Variants in SLC25A41 observed in about 807,000 individuals in gnomAD.
SLC25A41 encodes mitochondrial carrier protein SCaMC-3L.
SLC25A41 carries 35 observed loss-of-function variants against 34.7 expected under a neutral mutation model. The observed-to-expected ratio is 1.01, with a 90% CI of 0.77 to 1.34. SLC25A41 has a LOEUF of 1.34. Ranked by LOEUF, SLC25A41 falls within the 40% of genes most tolerant of loss-of-function variation. SLC25A41 has a pLI of 0.00. For synonymous variants in SLC25A41, 190 were observed against 209.9 expected (o/e 0.91, Z 0.82); for missense variants, 492 against 489.8 (o/e 1.00, Z -0.04).
upstream of SLC25A41, chr19:6,433,900 A>G (rs1322840760): frequency 2.1e-6 from 1 of 471,404 alleles, no homozygotes; most frequent in Non-Finnish European, 3.7e-6. Context: ...AAACCAATAA[A>G]TATGTTATCG....
chr19:6,426,392 T>A lies in SLC25A41; in HGVS notation c.1110A>T (p.Ile370=). Residue 370 remains isoleucine, a synonymous_variant, in exon 7 of 7, where the codon ATA becomes ATT. Coordinates refer to ENST00000321510, the MANE Select transcript of SLC25A41 (RefSeq NM_173637.4). The part of the protein sequence containing the change: ...VYEAMKKTLG[I] ...GCTGTGTCGTCCAGCTCACAGCCTA[T>A]ATGCCCAGGGTTTTCTTCATGGCTT... 6.2e-7 allele frequency: 1 copy of A among 1,613,224 alleles called. No homozygotes were observed. Among genetic ancestry groups the A allele is most frequent in the South Asian group, 1.1e-5 (1 of 91,072 alleles).
At chr19:6,436,219 C>T (rs572545439), upstream of SLC25A41, 11 of 282,176 alleles carry the variant, frequency 3.9e-5, no homozygotes, top group Admixed American at 4.0e-4. Context: ...GCCGCTGAGC[C>T]GGCTGTTCCC....
rs1423496480 is a variant in SLC25A41 at position 6,427,577 on chromosome 19, C to G, written c.625-76G>C. The G allele has an allele frequency of 1.5e-5, 21 of 1,395,922 alleles. No homozygotes were observed. The highest frequency in any genetic ancestry group is 1.7e-5 in the Non-Finnish European group (18 of 1,064,914). The allele number at this position is 1,395,922 out of a possible 1,614,324, so 86.5% of individuals were successfully genotyped here. The stretch of plus-strand genomic sequence containing the variant: ...ACCCTCGGGGTAGCCATTGTCCCCA[C>G]CCTACAAACAAGGAAAATGAGGCTC... On this transcript the variant is annotated intron_variant, in intron 4 of 6. Transcript: ENST00000321510. The surrounding 1 kb of genome is among the most constrained non-coding windows in gnomAD (Gnocchi z 4.9).
intron 4 of SLC25A41, among the ~76,000 whole-genome samples, chr19:6,428,444 C>A (rs541297338): frequency 6.8e-6 from 1 of 146,546 alleles, no homozygotes; most frequent in African/African-American, 2.5e-5. Context: ...GGAGGGTTTC[C>A]GGTCCACAGA....
chr19:6,428,326 A>G (rs942728152), intron 4 of SLC25A41, among the ~76,000 whole-genome samples: 8 of 151,354 alleles, frequency 5.3e-5, no homozygotes, highest in African/African-American at 1.9e-4. Context: ...TTGAACCCAG[A>G]AGGTGGAGGT....
chr19:6,432,375 C>G (rs1445890224), intron 1 of SLC25A41, among the ~76,000 whole-genome samples, 171 bp from the exon 2 acceptor site: 1 of 151,194 alleles, frequency 6.6e-6, no homozygotes, highest in African/African-American at 2.4e-5. Flanking sequence ...TGCAGTGGCA[C>G]AATCTCAGCT....
Position 6,427,202 on chromosome 19 carries a change from T to G in SLC25A41, c.841A>C (p.Ser281Arg). The change falls in exon 6 of 7, where the codon AGT (serine) becomes CGT (arginine). Residue 281 changes from serine to arginine, a missense_variant. Physicochemically the swap from Ser to Arg is moderately radical, Grantham distance 110 (BLOSUM62 -1). Coordinates refer to ENST00000321510, the MANE Select transcript of SLC25A41 (RefSeq NM_173637.4). This position sits in a 1 kb window ranked among gnomAD's most constrained non-coding sequence, Gnocchi z 4.9. ...ACAGACGACAGACTGACCAGGCCAC[T>G]GGGGTCCCCCATATCCCTGCCTGAC... is the stretch of plus-strand genomic sequence containing the variant. ...VKSGRDMGDPSGLVSLSSVTL... is the reference protein window; with the variant it reads ...VKSGRDMGDPRGLVSLSSVTL... 6.2e-7 allele frequency: 1 copy of G among 1,612,636 alleles called. No homozygotes were observed. The highest frequency in any genetic ancestry group is 8.5e-7 in the Non-Finnish European group (1 of 1,179,794).
Position 6,427,290 on chromosome 19 carries a change from C to G in SLC25A41, c.793-40G>C, listed in dbSNP as rs751063453. 6.2e-7 allele frequency: 1 copy of G among 1,608,046 alleles called. No individual in the cohort carries two copies. Among genetic ancestry groups the G allele is most frequent in the Non-Finnish European group, 8.5e-7 (1 of 1,176,524 alleles). ...GGCCAGGAGAAAGCTCACTAGGAGC[C>G]TGGGCTCCGGCCAGCCCTGCCACCC... On this transcript the variant is annotated intron_variant, in intron 5 of 6. Coordinates refer to ENST00000321510, the MANE Select transcript of SLC25A41 (RefSeq NM_173637.4). The surrounding 1 kb of genome is among the most constrained non-coding windows in gnomAD (Gnocchi z 4.9).
intron 6 of SLC25A41, 66 bp from the exon 7 acceptor site, chr19:6,426,627 G>T: frequency 6.4e-7 from 1 of 1,563,166 alleles, no homozygotes. Flanking sequence ...AGTCTGGAAT[G>T]TTGCGGACAG....
At position 6,428,555 on chromosome 19, in the gene SLC25A41, CAT is replaced by C. The variant is rs937038750; in HGVS notation, c.625-1056_625-1055del. ...ATATATTATATATAACATGCATAGACATATTTTTATATTACATAGTATATAAT... is the reference window on the plus strand; with the variant it reads ...ATATATTATATATAACATGCATAGACATTTTTATATTACATAGTATATAAT... On this transcript the variant is annotated intron_variant, in intron 4 of 6. Transcript: ENST00000321510. 1.5e-3 allele frequency among the ~76,000 whole-genome samples: 226 copies of C among 146,538 alleles called. 1 individual carries two copies. The highest frequency in any genetic ancestry group is 4.7e-3 in the African/African-American group (188 of 40,258).
rs1246590104 is a variant in SLC25A41, at chr19:6,429,729, T to C, written c.619A>G (p.Met207Val). 1.9e-6 allele frequency: 3 copies of C among 1,585,234 alleles called. No individual in the cohort carries two copies. The highest frequency in any genetic ancestry group is 1.1e-5 in the South Asian group (1 of 88,038). Residue 207 changes from methionine (M) to valine (V), a missense_variant, in exon 4 of 7, where the codon ATG becomes GTG. By Grantham distance (21) the Met-to-Val change is conservative. Coordinates refer to ENST00000321510, the MANE Select transcript of SLC25A41 (RefSeq NM_173637.4). ...VAISQTLINP[M>V]EVLKTRLTLR... ...CGGGGCACATGCTCTCTTACCTCCA[T>C]GGGGTTGATGAGGGTCTGGGAGATG...
chr19:6,432,309 C>A, intron 1 of SLC25A41, 105 bp from the exon 2 acceptor site: 1 of 1,280,330 alleles, frequency 7.8e-7, no homozygotes. Context: ...CCTGTTCCCC[C>A]AAGTCTGCAT....
chr19:6,433,631 C>T lies in SLC25A41; in HGVS notation c.63G>A (p.Arg21=). ...GGGCTTTGATGAGTAAGGTCTTGAC[C>T]CTCCTAAACAGTGTCTGGATCCTAG... ...TCSRIQTLFR[R]VKTLLIKAPP... The change falls in exon 1 of 7, where the codon AGG becomes AGA. Residue 21 remains arginine (R), a synonymous_variant. Transcript: ENST00000321510. 6.2e-7 allele frequency: 1 copy of T among 1,608,646 alleles called. No individual in the cohort carries two copies. The highest frequency in any genetic ancestry group is 8.5e-7 in the Non-Finnish European group (1 of 1,176,706).
chr19:6,427,217 C>T lies in SLC25A41; in HGVS notation c.826G>A (p.Asp276Asn). 1 of 1,612,708 alleles carries T rather than the reference C, an allele frequency of 6.2e-7. No individual in the cohort carries two copies. Among genetic ancestry groups the T allele is most frequent in the Non-Finnish European group, 8.5e-7 (1 of 1,179,796 alleles). ...ACCAGGCCACTGGGGTCCCCCATAT[C>T]CCTGCCTGACTTCACCCAGAAGCAC... ...LQCFWVKSGRDMGDPSGLVSL... is the reference protein window; with the variant it reads ...LQCFWVKSGRNMGDPSGLVSL... Residue 276 changes from aspartate to asparagine, a missense_variant, in exon 6 of 7, where the codon GAT becomes AAT. Coordinates refer to ENST00000321510, the MANE Select transcript of SLC25A41 (RefSeq NM_173637.4). The surrounding 1 kb of genome is among the most constrained non-coding windows in gnomAD (Gnocchi z 4.9).
intron 2 of SLC25A41, 84 bp downstream of exon 2, chr19:6,431,965 C>A: frequency 6.7e-7 from 1 of 1,502,284 alleles, no homozygotes; most frequent in Non-Finnish European, 9.0e-7. Flanking sequence ...GAACTCCATC[C>A]ACGTCAACTC....
chr19:6,436,097 T>C, upstream of SLC25A41: 1 of 205,608 alleles, frequency 4.9e-6, no homozygotes, highest in South Asian at 8.4e-5. Context: ...TAGGTATATA[T>C]GTATTAGCCA....
At chr19:6,433,799 G>A, upstream of SLC25A41, 1 of 1,008,160 alleles carries the variant, frequency 9.9e-7, no homozygotes, top group East Asian at 2.7e-5. Flanking sequence ...ACCAAGAGGA[G>A]GATGAAGTCA....
Position 6,426,380 on chromosome 19 carries a change from G to T in SLC25A41, c.*9C>A. On this transcript the variant is annotated 3_prime_UTR_variant, in exon 7 of 7. Transcript: ENST00000321510. ...ATTTCTGCCTAGGCTGTGTCGTCCA[G>T]CTCACAGCCTATATGCCCAGGGTTT... The T allele has an allele frequency of 6.2e-7, 1 of 1,611,526 alleles. No homozygotes were observed. Among genetic ancestry groups the T allele is most frequent in the Non-Finnish European group, 8.5e-7 (1 of 1,178,084 alleles).
At position 6,432,077 on chromosome 19, in the gene SLC25A41, G is replaced by T; in HGVS notation, c.335C>A (p.Pro112His). ...AGAVSRTGTA[P>H]LDRAKVYMQV... The stretch of plus-strand genomic sequence containing the variant: ...CATGTACACCTTGGCTCTGTCCAGA[G>T]GTGCCGTGCCCGTGCGAGACACCGC... Residue 112 changes from proline to histidine, a missense_variant, in exon 2 of 7, where the codon CCT becomes CAT. Pro to His is a moderately conservative substitution (Grantham distance 77, BLOSUM62 -2). Coordinates refer to ENST00000321510, the MANE Select transcript of SLC25A41 (RefSeq NM_173637.4). 1 of 1,613,654 alleles carries T rather than the reference G, an allele frequency of 6.2e-7. No homozygotes were observed. Among genetic ancestry groups the T allele is most frequent in the Non-Finnish European group, 8.5e-7 (1 of 1,179,694 alleles).
Sources: allele counts gnomAD v4.1 joint callset (sites outside exome capture counted in the v4.1 genomes callset), GRCh38; gene constraint gnomAD v4.1.1; non-coding constraint Gnocchi (gnomAD v3.1); transcripts MANE v1.5; gene names NCBI Gene and HGNC (gene_info 2026-07-23, HGNC 2026-07-21).